Variants in LRRC39 observed in about 807,000 individuals in gnomAD.
LRRC39 encodes the protein leucine rich repeat containing 39, also known as leucine-rich repeat-containing protein 39.
Under a neutral mutation model 39.7 loss-of-function variants are expected in LRRC39, and 35 were observed. The ratio of observed to expected loss-of-function variants is 0.88; its 90% CI spans 0.67 to 1.17. The LOEUF (loss-of-function observed/expected upper bound fraction) is 1.17. Ranked by LOEUF, LRRC39 falls within the 50% of genes most tolerant of loss-of-function variation. The pLI, the probability that LRRC39 is intolerant of heterozygous loss-of-function variation, is 0.00. For missense variants in LRRC39, 357 were observed against 385.8 expected (o/e 0.93, Z 0.62); for synonymous variants, 113 against 134.1 (o/e 0.84, Z 1.09).
intron 2 of LRRC39, among the ~76,000 whole-genome samples, chr1:100,170,297 G>A (rs903797503): frequency 3.9e-5 from 6 of 152,182 alleles, no homozygotes; most frequent in Admixed American, 6.5e-5. Flanking sequence ...ACAATGGAAT[G>A]TTATTTGGCC....
intron 8 of LRRC39, 45 bp from the exon 9 acceptor site, chr1:100,152,569 G>A: frequency 1.3e-6 from 2 of 1,588,584 alleles, no homozygotes; most frequent in Non-Finnish European, 1.7e-6. Context: ...TGTCATGGAA[G>A]TGTACATTTA....
At chr1:100,174,293 T>C (rs1659823610) in intron 1 of LRRC39, among the ~76,000 whole-genome samples, 2 of 151,874 alleles carry the variant, frequency 1.3e-5, no homozygotes, top group Non-Finnish European at 2.9e-5. Context: ...CTGCAGAACA[T>C]TGTGGAAATT....
chr1:100,168,296 T>G, intron 3 of LRRC39, 108 bp downstream of exon 3: 1 of 850,492 alleles, frequency 1.2e-6, no homozygotes, highest in Non-Finnish European at 1.8e-6. Flanking sequence ...TTTCAGTAAA[T>G]AAAATTCTAT....
chr1:100,162,450 C>A (rs1658951857), intron 3 of LRRC39, among the ~76,000 whole-genome samples: 1 of 150,974 alleles, frequency 6.6e-6, no homozygotes, highest in African/African-American at 2.4e-5. Context: ...ACCATCCTGG[C>A]CAACATGGTG....
At chr1:100,178,337 A>G (rs1157318981), upstream of LRRC39, 1 of 152,250 alleles carries the variant, frequency 6.6e-6, no homozygotes, top group African/African-American at 2.4e-5. Flanking sequence ...GGATCAGCTG[A>G]TAATGTATGT....
intron 3 of LRRC39, among the ~76,000 whole-genome samples, chr1:100,168,010 T>C (rs1444672364): frequency 6.6e-6 from 1 of 152,018 alleles, no homozygotes; most frequent in Non-Finnish European, 1.5e-5. Context: ...AATCAAGTGA[T>C]CCAGCAGCTC....
chr1:100,152,306 A>C (rs1658099885), intron 9 of LRRC39, 79 bp downstream of exon 9: 10 of 1,333,136 alleles, frequency 7.5e-6, no homozygotes, highest in Non-Finnish European at 8.2e-6. Flanking sequence ...TAAAGGAATT[A>C]ATCAAAAGGC....
rs1185794267 is a variant in LRRC39 at position 100,148,703 on chromosome 1, G to A, written c.*339C>T. On this transcript the variant is annotated 3_prime_UTR_variant, in exon 10 of 10. Coordinates refer to ENST00000370137, the MANE Select transcript of LRRC39 (RefSeq NM_144620.4). ...TTGACCAAGGTCGAATCCAGTATTT[G>A]CAGCAGAAGGGATTCAGTCCTGCTT... The A allele has an allele frequency of 9.9e-6, 16 of 1,613,098 alleles. No individual in the cohort carries two copies. The highest frequency in any genetic ancestry group is 1.4e-5 in the Non-Finnish European group (16 of 1,179,708).
intron 3 of LRRC39, among the ~76,000 whole-genome samples, chr1:100,162,567 A>T (rs1658963909): frequency 6.6e-6 from 1 of 152,028 alleles, no homozygotes; most frequent in South Asian, 2.1e-4. Context: ...TGAACCTGGG[A>T]TGCAAAGTTG....
Position 100,148,620 on chromosome 1 carries a change from T to G in LRRC39, c.*422A>C. 1 of 1,597,502 alleles carries G rather than the reference T, an allele frequency of 6.3e-7. No homozygotes were observed. Among genetic ancestry groups the G allele is most frequent in the Non-Finnish European group, 8.5e-7 (1 of 1,175,766 alleles). Reference sequence around the variant, plus strand: ...CAATGTTTTGTGTGTGTTTATTCAATTTAGGCTTCTTAGTGTTGAAGAAAA... The same window carrying G: ...CAATGTTTTGTGTGTGTTTATTCAAGTTAGGCTTCTTAGTGTTGAAGAAAA... On this transcript the variant is annotated 3_prime_UTR_variant, in exon 10 of 10. Coordinates refer to ENST00000370137, the MANE Select transcript of LRRC39 (RefSeq NM_144620.4).
chr1:100,158,856 G>GAA (rs59271444), intron 5 of LRRC39, among the ~76,000 whole-genome samples: 1 of 141,132 alleles, frequency 7.1e-6, no homozygotes. Flanking sequence ...CGTGCAATAG[G>GAA]AAAAAAAAAA....
chr1:100,177,905 A>G (rs1430819330), intron 1 of LRRC39, among the ~76,000 whole-genome samples: 1 of 152,218 alleles, frequency 6.6e-6, no homozygotes, highest in Non-Finnish European at 1.5e-5. Flanking sequence ...AGCATAGAAA[A>G]GAATTGCAGA....
chr1:100,151,034 G>A (rs1657956695), intron 9 of LRRC39, among the ~76,000 whole-genome samples: 1 of 150,254 alleles, frequency 6.7e-6, no homozygotes, highest in Non-Finnish European at 1.5e-5. Flanking sequence ...GGCTGAGGCA[G>A]GAGAATCACT....
chr1:100,156,370 A>C (rs956256875), intron 6 of LRRC39, 53 bp from the exon 7 acceptor site: 1 of 1,513,192 alleles, frequency 6.6e-7, no homozygotes, highest in Non-Finnish European at 9.0e-7. Context: ...GTAAACTACT[A>C]AAAGACTCAC....
intron 7 of LRRC39, 132 bp from the exon 8 acceptor site, chr1:100,155,335 G>T (rs191601452): frequency 2.8e-5 from 21 of 751,422 alleles, no homozygotes; most frequent in African/African-American, 2.4e-4. Flanking sequence ...CTGAGCTCAG[G>T]CTATTCTCCC....
At chr1:100,163,168 T>C (rs1659004147) in intron 3 of LRRC39, among the ~76,000 whole-genome samples, 1 of 152,168 alleles carries the variant, frequency 6.6e-6, no homozygotes, top group Admixed American at 6.5e-5. Context: ...TTACTTATTA[T>C]AAAAATAGAA....
chr1:100,158,222 CTT>C lies in LRRC39; in HGVS notation c.513+7_513+8del. The C allele has an allele frequency of 6.2e-7, 1 of 1,612,750 alleles. No individual in the cohort carries two copies. The highest frequency in any genetic ancestry group is 8.5e-7 in the Non-Finnish European group (1 of 1,179,498). ...AAAATACAATCATAGGCATTTATGT[CTT>C]TCTAACCTCTTGTGGAAGATCACAT... On this transcript the variant is annotated splice_region_variant and intron_variant, in intron 6 of 9. Transcript: ENST00000370137.
At chr1:100,177,281 A>G (rs930249889) in intron 1 of LRRC39, among the ~76,000 whole-genome samples, 3 of 152,238 alleles carry the variant, frequency 2.0e-5, no homozygotes, top group Admixed American at 2.0e-4. Context: ...ATAGAGAGGA[A>G]TCGGATAGAT....
intron 2 of LRRC39, among the ~76,000 whole-genome samples, chr1:100,172,739 T>C (rs1281104905): frequency 6.6e-6 from 1 of 151,898 alleles, no homozygotes; most frequent in Non-Finnish European, 1.5e-5. Context: ...GGCGGGGGGA[T>C]CACGAAGTCA....
Sources: gnomAD v4.1 joint callset for allele counts (sites outside exome capture counted in the v4.1 genomes callset) on GRCh38, gnomAD v4.1.1 for gene constraint, MANE v1.5 for transcripts, NCBI Gene and HGNC (gene_info 2026-07-23, HGNC 2026-07-21) for gene names.